The following ROBO1 variants were observed in gnomAD, a reference collection of about 807,000 sequenced individuals.
The protein encoded by ROBO1 is roundabout homolog 1.
In ROBO1, 149 loss-of-function variants were observed where a neutral mutation model predicts 195.9. The ratio of observed to expected loss-of-function variants is 0.76; its 90% CI spans 0.67 to 0.87. The LOEUF (loss-of-function observed/expected upper bound fraction) is 0.87, where lower values mean the gene tolerates loss of function less well. Ranked by LOEUF, ROBO1 falls within the 40% of genes least tolerant of loss-of-function variation. The probability of loss-of-function intolerance (pLI) is 0.00; values close to 1 mark genes in which losing one functional copy is unlikely to be tolerated. For missense variants in ROBO1, 1,933 were observed against 2,068.3 expected, an observed-to-expected ratio of 0.93 and a Z score of 1.27; for synonymous variants, 816 against 733.2, an observed-to-expected ratio of 1.11 and a Z score of -1.82.
At chr3:78,914,253 T>C (rs1426707191) in intron 4 of ROBO1, among the ~76,000 whole-genome samples, 1 of 152,162 alleles carries the variant, frequency 6.6e-6, no homozygotes, top group Non-Finnish European at 1.5e-5. Context: ...TCATAAAGGC[T>C]ATATAAACCA....
At chr3:79,736,040 C>A (rs538221361) in intron 1 of ROBO1, among the ~76,000 whole-genome samples, 18 of 151,994 alleles carry the variant, frequency 1.2e-4, no homozygotes, top group South Asian at 6.2e-4. Context: ...TTCTACAGTG[C>A]GTGTGTAAAA....
intron 2 of ROBO1, among the ~76,000 whole-genome samples, chr3:79,573,568 T>C (rs1943350134): frequency 1.3e-5 from 2 of 152,186 alleles, no homozygotes; most frequent in Admixed American, 1.3e-4. Context: ...AGGCAGATTA[T>C]TAAAACAAAT....
intron 2 of ROBO1, among the ~76,000 whole-genome samples, chr3:79,579,308 T>C (rs1190048427): frequency 6.6e-6 from 1 of 152,190 alleles, no homozygotes; most frequent in South Asian, 2.1e-4. Flanking sequence ...ATTTCAGCCT[T>C]AGATTTGACA....
intron 4 of ROBO1, among the ~76,000 whole-genome samples, chr3:78,845,152 T>C (rs1382955608): frequency 6.6e-6 from 1 of 152,064 alleles, no homozygotes; most frequent in Admixed American, 6.6e-5. Flanking sequence ...CTACTGTGAA[T>C]ATCATGAATT....
chr3:79,641,499 T>A (rs899254843), intron 1 of ROBO1, among the ~76,000 whole-genome samples: 1 of 151,974 alleles, frequency 6.6e-6, no homozygotes, highest in Non-Finnish European at 1.5e-5. Context: ...TATACATATG[T>A]AACTAACCTG....
At chr3:78,755,851 T>C (rs1223177850) in intron 4 of ROBO1, among the ~76,000 whole-genome samples, 1 of 152,202 alleles carries the variant, frequency 6.6e-6, no homozygotes, top group Non-Finnish European at 1.5e-5. Context: ...ATATGAAAAT[T>C]GTTTCATTGG....
chr3:79,294,057 C>CAAAAAAAAAA (rs71631641), intron 2 of ROBO1, among the ~76,000 whole-genome samples: 5 of 29,056 alleles, frequency 1.7e-4, no homozygotes, highest in Non-Finnish European at 2.0e-4. Context: ...GACTCCATCT[C>CAAAAAAAAAA]AAAAAAAAAA....
At chr3:79,759,283 G>C (rs567393219) in intron 1 of ROBO1, among the ~76,000 whole-genome samples, 1 of 152,024 alleles carries the variant, frequency 6.6e-6, no homozygotes, top group Non-Finnish European at 1.5e-5. Flanking sequence ...ATTTCCTTTC[G>C]AAACATTTTG....
chr3:79,530,045 T>G (rs902964932), intron 2 of ROBO1, among the ~76,000 whole-genome samples: 2 of 152,154 alleles, frequency 1.3e-5, no homozygotes, highest in East Asian at 3.9e-4. Context: ...ATAGGAGAGA[T>G]GTCTTTGACA....
chr3:79,495,708 A>G (rs929061740), intron 2 of ROBO1, among the ~76,000 whole-genome samples: 4 of 152,154 alleles, frequency 2.6e-5, no homozygotes, highest in Admixed American at 1.3e-4. Flanking sequence ...ATAATCTTAT[A>G]TATTAATTTT....
chr3:78,794,988 A>G (rs1401410330), intron 4 of ROBO1, among the ~76,000 whole-genome samples: 8 of 152,234 alleles, frequency 5.3e-5, no homozygotes, highest in African/African-American at 1.9e-4. Flanking sequence ...TAAGCAGCCT[A>G]GTACTTGTAA....
chr3:78,740,219 G>A (rs775113112), intron 5 of ROBO1, among the ~76,000 whole-genome samples: 3 of 151,904 alleles, frequency 2.0e-5, no homozygotes, highest in Non-Finnish European at 4.4e-5. Context: ...AAGTATAAGT[G>A]TACCCTAATG....
chr3:78,939,425 T>TGTG (rs1297898515), intron 3 of ROBO1, among the ~76,000 whole-genome samples: 5 of 147,138 alleles, frequency 3.4e-5, no homozygotes, highest in Admixed American at 6.8e-5. Context: ...CCATCCTGGC[T>TGTG]AACAAGGTGA....
intron 3 of ROBO1, chr3:79,018,860 G>C: frequency 9.9e-7 from 1 of 1,005,250 alleles, no homozygotes; most frequent in Non-Finnish European, 1.2e-6. Context: ...GCGCGGCGGC[G>C]GCGGCAAAGT....
At chr3:79,332,590 T>C (rs1207480502) in intron 2 of ROBO1, among the ~76,000 whole-genome samples, 1 of 152,134 alleles carries the variant, frequency 6.6e-6, no homozygotes, top group Non-Finnish European at 1.5e-5. Context: ...TGGCGAGCAT[T>C]TGGTAGGCAC....
intron 2 of ROBO1, among the ~76,000 whole-genome samples, chr3:79,164,978 C>A (rs1253211766): frequency 6.6e-6 from 1 of 152,132 alleles, no homozygotes; most frequent in Non-Finnish European, 1.5e-5. Context: ...ACACCCCTAA[C>A]CTTATCATTT....
At chr3:79,608,611 G>A (rs1374086355) in intron 1 of ROBO1, among the ~76,000 whole-genome samples, 2 of 151,844 alleles carry the variant, frequency 1.3e-5, no homozygotes, top group African/African-American at 4.8e-5. Flanking sequence ...AGACTCTGAT[G>A]GATGTTTTCC....
At chr3:79,485,015 G>A (rs1044525208) in intron 2 of ROBO1, among the ~76,000 whole-genome samples, 20 of 151,850 alleles carry the variant, frequency 1.3e-4, no homozygotes, top group Middle Eastern at 3.2e-3. Flanking sequence ...GCCTCCCAAA[G>A]TGCTGGGATT....
intron 1 of ROBO1, among the ~76,000 whole-genome samples, chr3:79,632,935 G>T (rs1295679584): frequency 6.6e-6 from 1 of 151,802 alleles, no homozygotes; most frequent in Non-Finnish European, 1.5e-5. Context: ...AATAAGAAAT[G>T]AAACAAAAAC....
Sources: allele counts gnomAD v4.1 joint callset (sites outside exome capture counted in the v4.1 genomes callset), GRCh38; gene constraint gnomAD v4.1.1; transcripts MANE v1.5; gene names NCBI Gene and HGNC (gene_info 2026-07-23, HGNC 2026-07-21).